ZNF570: variants seen among roughly 807,000 people sequenced by gnomAD.
ZNF570 encodes the protein zinc finger protein 570.
In ZNF570, 8 loss-of-function variants were observed where a neutral mutation model predicts 14.2. The ratio of observed to expected loss-of-function variants is 0.56; its 90% CI spans 0.33 to 1.02. ZNF570 has a LOEUF of 1.02. Ranked by LOEUF, ZNF570 falls within the 50% of genes least tolerant of loss-of-function variation. ZNF570 has a pLI of 0.03. For synonymous variants in ZNF570, 202 were observed against 207.6 expected (o/e 0.97, Z 0.23); for missense variants, 559 against 624.9 (o/e 0.89, Z 1.12).
At position 37,487,698 on chromosome 19, in the gene ZNF570, G is replaced by T. The variant is rs987723727; in HGVS notation, c.*2465G>T. 3.9e-5 allele frequency: 6 copies of T among 151,912 alleles called. No individual in the cohort carries two copies. The highest frequency in any genetic ancestry group is 1.2e-4 in the African/African-American group (5 of 41,324). 9.4% of individuals were successfully genotyped at this position (151,912 alleles called of 1,614,324 possible). A position where few individuals can be genotyped will look rare whatever the true frequency, so the allele number is the denominator to read the frequency against. On this transcript the variant is annotated 3_prime_UTR_variant, in exon 5 of 5. Coordinates refer to ENST00000330173, the MANE Select transcript of ZNF570 (RefSeq NM_144694.5). ...CAATTCCAGCCAAAATGTTTCAGTG[G>T]TTTTTTTTGTTTGTTGTTTTTGTTT...
chr19:37,468,083 T>G (rs2041880780), upstream of ZNF570: 1 of 693,710 alleles, frequency 1.4e-6, no homozygotes, highest in East Asian at 2.8e-5. Flanking sequence ...TTTTTTTTTT[T>G]TGTTTGTTTT....
chr19:37,481,046 A>G (rs913638100), intron 4 of ZNF570, among the ~76,000 whole-genome samples: 1 of 151,624 alleles, frequency 6.6e-6, no homozygotes, highest in South Asian at 2.1e-4. Context: ...CTTTATAAAT[A>G]TTTATATACT....
At chr19:37,467,967 G>A, upstream of ZNF570, 1 of 1,535,378 alleles carries the variant, frequency 6.5e-7, no homozygotes, top group Non-Finnish European at 8.7e-7. Flanking sequence ...ACCCGGGATC[G>A]TGAGCGAAAA....
intron 4 of ZNF570, among the ~76,000 whole-genome samples, chr19:37,477,288 CGTGTGTGTGTGTGTGT>C (rs71177457): frequency 4.4e-4 from 51 of 115,428 alleles, no homozygotes; most frequent in African/African-American, 1.1e-3. Flanking sequence ...GGGAGGTTGT[CGTGTGTGTGTGTGTGT>C]GTGTGTGTGT....
At chr19:37,479,896 T>A (rs986553739) in intron 4 of ZNF570, among the ~76,000 whole-genome samples, 9 of 152,178 alleles carry the variant, frequency 5.9e-5, no homozygotes, top group African/African-American at 2.2e-4. Flanking sequence ...AGTATTTGGA[T>A]AAACATTTTT....
At position 37,484,219 on chromosome 19, in the gene ZNF570, T is replaced by TA. The variant is rs758109083; in HGVS notation, c.605dup (p.Asn202LysfsTer6). On this transcript the variant is annotated frameshift_variant, in exon 5 of 5. Coordinates refer to ENST00000330173, the MANE Select transcript of ZNF570 (RefSeq NM_144694.5). LOFTEE classifies it low-confidence loss of function (END_TRUNC). The stretch of plus-strand genomic sequence containing the variant: ...AACATGACACACAAAAGAGAAGCTT[T>TA]AAAAAAAATTTAATGGCTATTAAGC... The TA allele has an allele frequency of 1.1e-5, 18 of 1,613,650 alleles. No individual in the cohort carries two copies. The highest frequency in any genetic ancestry group is 1.4e-5 in the Non-Finnish European group (16 of 1,179,958).
intron 4 of ZNF570, among the ~76,000 whole-genome samples, chr19:37,481,680 A>C (rs556950046): frequency 1.3e-5 from 2 of 151,906 alleles, no homozygotes; most frequent in African/African-American, 4.8e-5. Context: ...CCATTAATGG[A>C]CTCTGGGTAA....
At position 37,487,398 on chromosome 19, in the gene ZNF570, G is replaced by A. The variant is rs1160982524; in HGVS notation, c.*2165G>A. 1.3e-5 allele frequency: 2 copies of A among 151,992 alleles called. No individual in the cohort carries two copies. Among genetic ancestry groups the A allele is most frequent in the Admixed American group, 6.6e-5 (1 of 15,236 alleles). The allele number at this position is 151,992 out of a possible 1,614,324, so 9.4% of individuals were successfully genotyped here. A position where few individuals can be genotyped will look rare whatever the true frequency, so the allele number is the denominator to read the frequency against. On this transcript the variant is annotated 3_prime_UTR_variant, in exon 5 of 5. Coordinates refer to ENST00000330173, the MANE Select transcript of ZNF570 (RefSeq NM_144694.5). ...AACAGATAGATACACAAATAATATAGGCATTCATTCTGTTAATATTGAGTA... is the reference window on the plus strand; with the variant it reads ...AACAGATAGATACACAAATAATATAAGCATTCATTCTGTTAATATTGAGTA...
chr19:37,478,853 A>G (rs1321379317), intron 4 of ZNF570, among the ~76,000 whole-genome samples: 2 of 151,296 alleles, frequency 1.3e-5, no homozygotes, highest in Non-Finnish European at 3.0e-5. Flanking sequence ...TGCATTCCCA[A>G]GTTAAACCCA....
At chr19:37,479,188 A>AT (rs1231365588) in intron 4 of ZNF570, among the ~76,000 whole-genome samples, 1 of 141,778 alleles carries the variant, frequency 7.1e-6, no homozygotes, top group Non-Finnish European at 1.6e-5. Context: ...CAATTAGGGT[A>AT]TTTTTTTCTA....
At chr19:37,468,114 T>TCA, upstream of ZNF570, 1 of 634,002 alleles carries the variant, frequency 1.6e-6, no homozygotes. Flanking sequence ...AGGCAGAGCC[T>TCA]CACTTTGTTG....
In ZNF570 at chr19:37,485,009, G is replaced by A. The variant is rs1182139906; in HGVS notation, c.1387G>A (p.Val463Ile). 1 of 1,613,898 alleles carries A rather than the reference G, an allele frequency of 6.2e-7. No homozygotes were observed. The highest frequency in any genetic ancestry group is 8.5e-7 in the Non-Finnish European group (1 of 1,179,986). The change falls in exon 5 of 5, where the codon GTT becomes ATT. Residue 463 changes from valine to isoleucine, a missense_variant. Coordinates refer to ENST00000330173, the MANE Select transcript of ZNF570 (RefSeq NM_144694.5). ...CTCGTCCCTTACTCAACATCAGCGAGTTCATACTGGAGAGAAACCTTATGA... is the reference window on the plus strand; with the variant it reads ...CTCGTCCCTTACTCAACATCAGCGAATTCATACTGGAGAGAAACCTTATGA... The part of the protein sequence containing the change: ...NDSSLTQHQR[V>I]HTGEKPYECT...
At position 37,485,263 on chromosome 19, in the gene ZNF570, A is replaced by G. The variant is rs2042142541; in HGVS notation, c.*30A>G. On this transcript the variant is annotated 3_prime_UTR_variant, in exon 5 of 5. Transcript: ENST00000330173. ...TGAGTCCTAAATGTTTCTAGAATTT[A>G]TACTGTTTTTTATCTTTAATGTTGT... The G allele has an allele frequency of 2.6e-6, 4 of 1,511,118 alleles. No individual in the cohort carries two copies. The highest frequency in any genetic ancestry group is 1.4e-5 in the African/African-American group (1 of 71,518). The allele number at this position is 1,511,118 out of a possible 1,614,324, so 93.6% of individuals were successfully genotyped here. A position where few individuals can be genotyped will look rare whatever the true frequency, so the allele number is the denominator to read the frequency against.
At chr19:37,481,585 G>A (rs2042088839) in intron 4 of ZNF570, among the ~76,000 whole-genome samples, 1 of 151,986 alleles carries the variant, frequency 6.6e-6, no homozygotes, top group African/African-American at 2.4e-5. Context: ...TTCTTGCCCT[G>A]GTTATTCTGT....
Position 37,483,907 on chromosome 19 carries a change from A to T in ZNF570, c.285A>T (p.Glu95Asp). Residue 95 changes from glutamate to aspartate, a missense_variant, in exon 5 of 5, where the codon GAA (glutamate) becomes GAT (aspartate). By Grantham distance (45) the Glu-to-Asp change is conservative (BLOSUM62 2). Coordinates refer to ENST00000330173, the MANE Select transcript of ZNF570 (RefSeq NM_144694.5). The stretch of plus-strand genomic sequence containing the variant: ...GGGAGCCTATATGTGAGACTGAAGA[A>T]TTAACCCCAAAGCAGGATTTTTATG... Reference protein sequence around the residue: ...SGWEPICETEELTPKQDFYEE... With the variant: ...SGWEPICETEDLTPKQDFYEE... 1 of 1,611,846 alleles carries T rather than the reference A, an allele frequency of 6.2e-7. No individual in the cohort carries two copies. The highest frequency in any genetic ancestry group is 8.5e-7 in the Non-Finnish European group (1 of 1,179,208).
Position 37,485,069 on chromosome 19 carries a change from G to A in ZNF570, c.1447G>A (p.Gly483Arg). 1 of 1,613,666 alleles carries A rather than the reference G, an allele frequency of 6.2e-7. No homozygotes were observed. The highest frequency in any genetic ancestry group is 8.5e-7 in the Non-Finnish European group (1 of 1,179,920). The part of the protein sequence containing the change: ...TVCGKAFSYC[G>R]SLAQHQRIHT... Reference sequence around the variant, plus strand: ...TTGTGGAAAGGCTTTTAGTTACTGTGGATCCCTTGCCCAACATCAGAGAAT... The same window carrying A: ...TTGTGGAAAGGCTTTTAGTTACTGTAGATCCCTTGCCCAACATCAGAGAAT... The change falls in exon 5 of 5, where the codon GGA (glycine) becomes AGA (arginine). Residue 483 changes from glycine (G) to arginine (R), a missense_variant. Physicochemically the swap from Gly to Arg is moderately radical, Grantham distance 125. Coordinates refer to ENST00000330173, the MANE Select transcript of ZNF570 (RefSeq NM_144694.5).
upstream of ZNF570, chr19:37,469,090 G>T (rs1035780828): frequency 1.3e-5 from 13 of 1,035,384 alleles, no homozygotes; most frequent in African/African-American, 2.2e-4. Context: ...GTAGTGTGAC[G>T]CTGGGCCCCG....
chr19:37,484,070 A>G lies in ZNF570; in HGVS notation c.448A>G (p.Ile150Val), dbSNP rs1318218495. 2 of 1,614,034 alleles carry G rather than the reference A, an allele frequency of 1.2e-6. No homozygotes were observed. Among genetic ancestry groups the G allele is most frequent in the East Asian group, 2.2e-5 (1 of 44,882 alleles). Reference protein sequence around the residue: ...GNQKACFKEEIITHEEPLFDE... With the variant: ...GNQKACFKEEVITHEEPLFDE... Reference sequence around the variant, plus strand: ...TCAGAAGGCGTGTTTCAAGGAAGAGATAATCACTCATGAAGAACCCCTTTT... The same window carrying G: ...TCAGAAGGCGTGTTTCAAGGAAGAGGTAATCACTCATGAAGAACCCCTTTT... The change falls in exon 5 of 5, where the codon ATA becomes GTA. Residue 150 changes from isoleucine (I) to valine (V), a missense_variant. Coordinates refer to ENST00000330173, the MANE Select transcript of ZNF570 (RefSeq NM_144694.5).
In ZNF570 at chr19:37,486,217, T is replaced by G. The variant is rs538864725; in HGVS notation, c.*984T>G. On this transcript the variant is annotated 3_prime_UTR_variant, in exon 5 of 5. Coordinates refer to ENST00000330173, the MANE Select transcript of ZNF570 (RefSeq NM_144694.5). The stretch of plus-strand genomic sequence containing the variant: ...CATTCAGCCTTATTTTATTCCAGTC[T>G]TCTTCTTTGGGCACTAGGCACTTCC... 6.6e-6 allele frequency: 1 copy of G among 152,258 alleles called. No homozygotes were observed. The highest frequency in any genetic ancestry group is 1.5e-5 in the Non-Finnish European group (1 of 68,024). The allele number at this position is 152,258 out of a possible 1,614,324, so 9.4% of individuals were successfully genotyped here. A position where few individuals can be genotyped will look rare whatever the true frequency, so the allele number is the denominator to read the frequency against.
Sources: gnomAD v4.1 joint callset for allele counts (sites outside exome capture counted in the v4.1 genomes callset) on GRCh38, gnomAD v4.1.1 for gene constraint, MANE v1.5 for transcripts, NCBI Gene and HGNC (gene_info 2026-07-23, HGNC 2026-07-21) for gene names.